UBE2K: variants seen among roughly 807,000 people sequenced by gnomAD.
The protein encoded by UBE2K is ubiquitin conjugating enzyme E2 K, also known as ubiquitin-conjugating enzyme E2 K.
A neutral mutation model predicts 30.0 loss-of-function variants in UBE2K; 6 were observed. The observed-to-expected ratio is 0.20, with a 90% CI of 0.11 to 0.39. UBE2K has a LOEUF of 0.39. Ranked by LOEUF, UBE2K falls within the 10% of genes least tolerant of loss-of-function variation. The pLI is 1.00. For synonymous variants in UBE2K, 86 were observed against 83.7 expected (o/e 1.03, Z -0.15); for missense variants, 61 against 241.6 (o/e 0.25, Z 4.96).
chr4:39,768,734 C>T (rs1463679767), intron 4 of UBE2K, among the ~76,000 whole-genome samples: 1 of 152,182 alleles, frequency 6.6e-6, no homozygotes, highest in African/African-American at 2.4e-5. Flanking sequence ...AATGGTTGTA[C>T]TAATTTGTAT....
chr4:39,752,328 TTTTTTTC>T lies in UBE2K; in HGVS notation c.217-3322_217-3316del, dbSNP rs1487158512. Among the ~76,000 whole-genome samples, 12 of 104,924 alleles carry T rather than the reference TTTTTTTC, an allele frequency of 1.1e-4. 1 individual carries two copies. The highest frequency in any genetic ancestry group is 3.7e-4 in the African/African-American group (10 of 27,396). The allele number at this position is 104,924 out of a possible 152,430, so 68.8% of individuals were successfully genotyped here. On this transcript the variant is annotated intron_variant, in intron 3 of 6. Coordinates refer to ENST00000261427, the MANE Select transcript of UBE2K (RefSeq NM_005339.5). Reference sequence around the variant, plus strand: ...CCTGGCTAATTTTTTTTTTTTTCTTTTTTTTTCTTTTTTTTTTTTTTTTTTTGAGACG... The same window carrying T: ...CCTGGCTAATTTTTTTTTTTTTCTTTTTTTTTTTTTTTTTTTTTTGAGACG...
chr4:39,706,837 A>G (rs1029669027), intron 1 of UBE2K, among the ~76,000 whole-genome samples: 2 of 151,852 alleles, frequency 1.3e-5, no homozygotes, highest in African/African-American at 4.8e-5. Context: ...AGGACAAAGG[A>G]TAGATAAAAA....
chr4:39,733,556 C>T (rs1383445279), intron 1 of UBE2K, among the ~76,000 whole-genome samples: 1 of 152,118 alleles, frequency 6.6e-6, no homozygotes, highest in Non-Finnish European at 1.5e-5. Context: ...TAGTCTCAAA[C>T]TCCTGACCTC....
intron 1 of UBE2K, among the ~76,000 whole-genome samples, chr4:39,727,647 A>T (rs763097282): frequency 3.3e-5 from 5 of 151,256 alleles, no homozygotes; most frequent in Non-Finnish European, 5.9e-5. Flanking sequence ...TGATCAGCCC[A>T]TCTCCACCAC....
chr4:39,748,620 CAAA>C lies in UBE2K; in HGVS notation c.216+2823_216+2825del, dbSNP rs33918227. The stretch of plus-strand genomic sequence containing the variant: ...CATAGCAAGGCCCTGTCTCTAGTCC[CAAA>C]AAAAAAAAAAAAGAAAAAGAAAAGC... On this transcript the variant is annotated intron_variant, in intron 3 of 6. Coordinates refer to ENST00000261427, the MANE Select transcript of UBE2K (RefSeq NM_005339.5). 9.1e-3 allele frequency among the ~76,000 whole-genome samples: 1,122 copies of C among 123,468 alleles called. 15 individuals are homozygous for C. The highest frequency in any genetic ancestry group is 0.029 in the African/African-American group (1,051 of 36,312). The allele number at this position is 123,468 out of a possible 152,430, so 81.0% of individuals were successfully genotyped here.
rs749830147 is a variant in UBE2K at position 39,755,734 on chromosome 4, T to C, written c.294T>C (p.Asp98=). 5 of 1,594,288 alleles carry C rather than the reference T, an allele frequency of 3.1e-6. No individual in the cohort carries two copies. In the Admixed American group the frequency reaches 7.4e-5, roughly 24 times the overall value. The change falls in exon 4 of 7, where the codon GAT becomes GAC. Residue 98 remains aspartate, a synonymous_variant. Coordinates refer to ENST00000261427, the MANE Select transcript of UBE2K (RefSeq NM_005339.5). Reference sequence around the variant, plus strand: ...CTATTTGTTTGGATATCCTGAAAGATCAATGGTAAGAGATTTTGAATTCAC... The same window carrying C: ...CTATTTGTTTGGATATCCTGAAAGACCAATGGTAAGAGATTTTGAATTCAC... ...TGAICLDILK[D]QWAAAMTLRT...
intron 4 of UBE2K, among the ~76,000 whole-genome samples, chr4:39,757,100 A>T (rs1711543351): frequency 1.4e-5 from 2 of 141,794 alleles, no homozygotes. Context: ...ATCTTGGCTC[A>T]CTGCAACCTC....
At chr4:39,770,403 C>T (rs1712708498) in intron 4 of UBE2K, 5 of 1,613,056 alleles carry the variant, frequency 3.1e-6, no homozygotes, top group Admixed American at 1.7e-5. Context: ...GTGCTGCTGC[C>T]GCATGTGGAA....
chr4:39,733,973 T>C (rs1005682851), intron 1 of UBE2K, among the ~76,000 whole-genome samples: 2 of 152,158 alleles, frequency 1.3e-5, no homozygotes, highest in Non-Finnish European at 2.9e-5. Flanking sequence ...GATGTTTGAA[T>C]TAAACTGTGG....
intron 4 of UBE2K, among the ~76,000 whole-genome samples, chr4:39,765,559 C>T (rs1463713044): frequency 2.0e-5 from 3 of 150,180 alleles, no homozygotes; most frequent in Admixed American, 1.3e-4. Context: ...GTGGCTCACG[C>T]GTATAATCCC....
chr4:39,703,196 T>TG (rs1315793922), intron 1 of UBE2K, among the ~76,000 whole-genome samples: 1 of 152,088 alleles, frequency 6.6e-6, no homozygotes, highest in Non-Finnish European at 1.5e-5. Context: ...TTCACCATGT[T>TG]GGCCAGGCTG....
intron 1 of UBE2K, among the ~76,000 whole-genome samples, chr4:39,710,485 T>G (rs1718608127): frequency 6.6e-6 from 1 of 151,932 alleles, no homozygotes; most frequent in Admixed American, 6.6e-5. Context: ...CCCAAGCTGG[T>G]GTCAGACTCC....
chr4:39,721,632 C>A (rs4974947), intron 1 of UBE2K, among the ~76,000 whole-genome samples: 3 of 152,074 alleles, frequency 2.0e-5, no homozygotes, highest in African/African-American at 7.2e-5. Context: ...GCTGGGATTA[C>A]AGGCATGAGA....
intron 1 of UBE2K, among the ~76,000 whole-genome samples, chr4:39,706,975 C>T (rs7694944): frequency 0.1 from 15,901 of 151,854 alleles, 1,219 homozygotes; most frequent in East Asian, 0.22. Context: ...GGCTTTATCT[C>T]GGCTCACTGC....
chr4:39,753,021 CA>C (rs1167837876), intron 3 of UBE2K, among the ~76,000 whole-genome samples: 3 of 151,668 alleles, frequency 2.0e-5, no homozygotes, highest in Non-Finnish European at 4.4e-5. Flanking sequence ...ACCCTGTCTC[CA>C]AAAAACAGAA....
Position 39,779,271 on chromosome 4 carries a change from G to A in UBE2K, c.*837G>A, listed in dbSNP as rs531179770. Reference sequence around the variant, plus strand: ...CTTGCAAAAATAGTAAATACTTGATGTTACATTATTCCCAGGTTTAATGAA... The same window carrying A: ...CTTGCAAAAATAGTAAATACTTGATATTACATTATTCCCAGGTTTAATGAA... On this transcript the variant is annotated 3_prime_UTR_variant, in exon 7 of 7. Transcript: ENST00000261427. The A allele has an allele frequency of 6.6e-6, 1 of 152,240 alleles. No individual in the cohort carries two copies. Among genetic ancestry groups the A allele is most frequent in the East Asian group, 1.9e-4 (1 of 5,184 alleles). The allele number at this position is 152,240 out of a possible 1,614,324, so 9.4% of individuals were successfully genotyped here.
intron 1 of UBE2K, among the ~76,000 whole-genome samples, chr4:39,702,231 C>CTTTTTTTTTTTTTTTTTTTTTTTTTTT (rs564712672): frequency 1.6e-4 from 11 of 67,386 alleles, no homozygotes; most frequent in Non-Finnish European, 2.7e-4. Flanking sequence ...CTTTTCTTTT[C>CTTTTTTTTTTTTTTTTTTTTTTTTTTT]TTTTTTTTTT....
At chr4:39,773,920 C>T (rs1713110116) in intron 4 of UBE2K, among the ~76,000 whole-genome samples, 1 of 151,790 alleles carries the variant, frequency 6.6e-6, no homozygotes, top group East Asian at 1.9e-4. Flanking sequence ...GACTCCGCCT[C>T]AAAACTAAAC....
At position 39,737,335 on chromosome 4, in the gene UBE2K, G is replaced by A. The variant is rs550115984; in HGVS notation, c.64-85G>A. 1.1e-4 allele frequency: 72 copies of A among 666,000 alleles called. No individual in the cohort carries two copies. The African/African-American group carries it at 1.3e-3, about 12-fold the overall frequency. The allele number at this position is 666,000 out of a possible 1,614,324, so 41.3% of individuals were successfully genotyped here. A position where few individuals can be genotyped will look rare whatever the true frequency, so the allele number is the denominator to read the frequency against. ...AGCAGATAATCAAGCTTATGAAAGA[G>A]GGGGTTTCAAGATTTTTTATAGGTA... On this transcript the variant is annotated intron_variant, in intron 1 of 6. Transcript: ENST00000261427.
Sources: gnomAD v4.1 joint callset for allele counts (sites outside exome capture counted in the v4.1 genomes callset) on GRCh38, gnomAD v4.1.1 for gene constraint, MANE v1.5 for transcripts, NCBI Gene and HGNC (gene_info 2026-07-23, HGNC 2026-07-21) for gene names.